CPQ: variants seen among roughly 807,000 people sequenced by gnomAD.
The protein encoded by CPQ is carboxypeptidase Q, also known as Ser-Met dipeptidase.
A neutral mutation model predicts 45.7 loss-of-function variants in CPQ; 37 were observed. That is an observed-to-expected ratio of 0.81 (90% CI 0.62 to 1.07). The LOEUF is 1.07. CPQ is among the 50% of genes least tolerant of loss of function. The pLI is 0.00. For synonymous variants in CPQ, 186 were observed against 205.8 expected, an observed-to-expected ratio of 0.90 and a Z score of 0.82; for missense variants, 537 against 572.9, an observed-to-expected ratio of 0.94 and a Z score of 0.64.
At chr8:97,135,164 C>T (rs1205527016) in intron 7 of CPQ, among the ~76,000 whole-genome samples, 1 of 152,180 alleles carries the variant, frequency 6.6e-6, no homozygotes, top group African/African-American at 2.4e-5. Flanking sequence ...AGTGGCGCAC[C>T]TAAAACTTTT....
At chr8:97,049,280 A>G (rs927923775) in intron 6 of CPQ, among the ~76,000 whole-genome samples, 1 of 152,142 alleles carries the variant, frequency 6.6e-6, no homozygotes, top group African/African-American at 2.4e-5. Flanking sequence ...CCTTCAGCAG[A>G]TATTTTACCA....
intron 4 of CPQ, among the ~76,000 whole-genome samples, chr8:96,950,434 A>G (rs532591197): frequency 4.7e-4 from 72 of 152,226 alleles, no homozygotes; most frequent in African/African-American, 1.7e-3. Context: ...ATGGGAAGGA[A>G]ATAAAAAGGT....
intron 7 of CPQ, among the ~76,000 whole-genome samples, chr8:97,092,016 G>A (rs543216332): frequency 6.6e-6 from 1 of 152,204 alleles, no homozygotes; most frequent in East Asian, 1.9e-4. Flanking sequence ...CTACCATTTA[G>A]TTATTCGTCT....
At chr8:96,711,805 G>A (rs958775121) in intron 1 of CPQ, among the ~76,000 whole-genome samples, 3 of 151,982 alleles carry the variant, frequency 2.0e-5, no homozygotes, top group Non-Finnish European at 4.4e-5. Flanking sequence ...TCTGCCTCTA[G>A]CCCCTCCCAA....
chr8:97,117,279 A>G (rs976339080), intron 7 of CPQ, among the ~76,000 whole-genome samples: 2 of 152,198 alleles, frequency 1.3e-5, no homozygotes, highest in Admixed American at 1.3e-4. Context: ...CCCAGTCCCT[A>G]TTCCAGATGA....
intron 1 of CPQ, among the ~76,000 whole-genome samples, chr8:96,747,882 A>T (rs1344054356): frequency 6.6e-6 from 1 of 152,212 alleles, no homozygotes. Context: ...TGCACACTAA[A>T]GTTTGAGTAC....
At chr8:96,686,061 A>G (rs1033552499) in intron 1 of CPQ, among the ~76,000 whole-genome samples, 3 of 152,130 alleles carry the variant, frequency 2.0e-5, no homozygotes, top group Non-Finnish European at 4.4e-5. Context: ...TTATTTTTGT[A>G]TTCATTCACT....
chr8:97,098,010 G>C (rs1372549532), intron 7 of CPQ, among the ~76,000 whole-genome samples: 2 of 152,136 alleles, frequency 1.3e-5, no homozygotes, highest in African/African-American at 4.8e-5. Context: ...ATACAGCATT[G>C]TCTCTATCAC....
At chr8:97,020,484 T>C (rs1307927556) in intron 5 of CPQ, among the ~76,000 whole-genome samples, 1 of 151,930 alleles carries the variant, frequency 6.6e-6, no homozygotes, top group East Asian at 1.9e-4. Flanking sequence ...TTAGCAAGAT[T>C]AAACAAGGAA....
intron 1 of CPQ, among the ~76,000 whole-genome samples, chr8:96,753,312 A>C (rs1810286967): frequency 1.3e-5 from 2 of 152,150 alleles, no homozygotes; most frequent in African/African-American, 4.8e-5. Context: ...GTGTTATAAA[A>C]GGCAGTTTAA....
Position 96,926,567 on chromosome 8 carries a change from TTCC to T in CPQ, c.850-39365_850-39363del, listed in dbSNP as rs776325058. 6.8e-4 allele frequency among the ~76,000 whole-genome samples: 80 copies of T among 117,628 alleles called. 1 individual carries two copies. Among genetic ancestry groups the T allele is most frequent in the African/African-American group, 1.6e-3 (45 of 27,400 alleles). 77.2% of individuals were successfully genotyped at this position (117,628 alleles called of 152,430 possible). A position where few individuals can be genotyped will look rare whatever the true frequency, so the allele number is the denominator to read the frequency against. ...CTTCCTCTTCCTCTTCCTCTTCCTC[TTCC>T]TCTTCCTCTTCTTCTTCTTCTTCTT... On this transcript the variant is annotated intron_variant, in intron 4 of 7. Coordinates refer to ENST00000220763, the MANE Select transcript of CPQ (RefSeq NM_016134.4).
intron 3 of CPQ, among the ~76,000 whole-genome samples, chr8:96,851,908 C>G (rs994502343): frequency 5.9e-5 from 9 of 152,182 alleles, no homozygotes; most frequent in Non-Finnish European, 1.3e-4. Context: ...TCTTCCTTCT[C>G]TTTATTCAGT....
At chr8:96,863,081 G>C (rs1188901727) in intron 3 of CPQ, among the ~76,000 whole-genome samples, 1 of 152,090 alleles carries the variant, frequency 6.6e-6, no homozygotes, top group Non-Finnish European at 1.5e-5. Flanking sequence ...CTGAGATTTT[G>C]AGATTCTGTT....
chr8:96,872,774 T>G (rs1174074865), intron 3 of CPQ, among the ~76,000 whole-genome samples: 1 of 151,920 alleles, frequency 6.6e-6, no homozygotes, highest in Non-Finnish European at 1.5e-5. Flanking sequence ...TATTTTGTGA[T>G]GTTTACTATG....
chr8:96,936,603 T>C (rs1269419779), intron 4 of CPQ, among the ~76,000 whole-genome samples: 1 of 152,204 alleles, frequency 6.6e-6, no homozygotes, highest in South Asian at 2.1e-4. Flanking sequence ...ACAAAATCTC[T>C]TGCCTGTCAA....
chr8:97,138,955 GA>G (rs990176212), intron 7 of CPQ, among the ~76,000 whole-genome samples: 7 of 150,598 alleles, frequency 4.6e-5, no homozygotes, highest in Admixed American at 2.6e-4. Context: ...AAGAAAGAAA[GA>G]AAAAAAAGAA....
chr8:96,934,288 T>C (rs932364940), intron 4 of CPQ, among the ~76,000 whole-genome samples: 7 of 152,166 alleles, frequency 4.6e-5, no homozygotes, highest in African/African-American at 1.7e-4. Flanking sequence ...GAGAGATTAC[T>C]GTGTGTTGCT....
intron 1 of CPQ, among the ~76,000 whole-genome samples, chr8:96,722,393 A>G (rs1809776341): frequency 1.3e-5 from 2 of 152,108 alleles, no homozygotes; most frequent in Non-Finnish European, 1.5e-5. Flanking sequence ...TTTGTAAATA[A>G]GGTTTTATTG....
chr8:96,944,095 A>C (rs1813158277), intron 4 of CPQ, among the ~76,000 whole-genome samples: 1 of 152,128 alleles, frequency 6.6e-6, no homozygotes, highest in Non-Finnish European at 1.5e-5. Flanking sequence ...CCCTTCTGTT[A>C]GTCCTGGTAC....
Sources: allele counts gnomAD v4.1 joint callset (sites outside exome capture counted in the v4.1 genomes callset), GRCh38; gene constraint gnomAD v4.1.1; transcripts MANE v1.5; gene names NCBI Gene and HGNC (gene_info 2026-07-23, HGNC 2026-07-21).